GPC6: variants seen among roughly 807,000 people sequenced by gnomAD.
GPC6 encodes the protein glypican 6.
Under a neutral mutation model 55.2 loss-of-function variants are expected in GPC6, and 14 were observed. The observed-to-expected ratio is 0.25, with a 90% confidence interval of 0.17 to 0.40. The LOEUF (loss-of-function observed/expected upper bound fraction) is 0.40, where lower values mean the gene tolerates loss of function less well. GPC6 is among the 10% of genes least tolerant of loss of function. The pLI, the probability that GPC6 is intolerant of heterozygous loss-of-function variation, is 1.00. For missense variants in GPC6, 641 were observed against 708.5 expected (o/e 0.90, Z 1.08); for synonymous variants, 278 against 259.6 (o/e 1.07, Z -0.68).
intron 1 of GPC6, among the ~76,000 whole-genome samples, chr13:93,325,845 C>T (rs748770616): frequency 1.7e-4 from 26 of 152,004 alleles, no homozygotes; most frequent in Non-Finnish European, 2.8e-4. Flanking sequence ...AAATCAAAGC[C>T]CTAGGGACTA....
chr13:94,218,043 A>T (rs1259983547), intron 4 of GPC6, among the ~76,000 whole-genome samples: 1 of 152,178 alleles, frequency 6.6e-6, no homozygotes, highest in African/African-American at 2.4e-5. Flanking sequence ...ATGGTTCTAT[A>T]TTGAATTTTA....
At chr13:93,235,157 TAAC>T (rs1365947138) in intron 1 of GPC6, among the ~76,000 whole-genome samples, 2 of 152,168 alleles carry the variant, frequency 1.3e-5, no homozygotes, top group Admixed American at 6.5e-5. Context: ...CTGATTATAA[TAAC>T]AACGAGAGGT....
At chr13:93,903,040 A>G (rs560406639) in intron 3 of GPC6, among the ~76,000 whole-genome samples, 1 of 152,332 alleles carries the variant, frequency 6.6e-6, no homozygotes, top group South Asian at 2.1e-4. Context: ...GGTAGACCCC[A>G]TCTCTCACCA....
At chr13:93,983,957 C>A in intron 3 of GPC6, among the ~76,000 whole-genome samples, 2 of 151,598 alleles carry the variant, frequency 1.3e-5, no homozygotes, top group East Asian at 1.9e-4. Context: ...CATAAGACAA[C>A]AATTAAAGAA....
intron 1 of GPC6, among the ~76,000 whole-genome samples, chr13:93,345,424 CA>C (rs936134669): frequency 1.3e-5 from 2 of 151,896 alleles, no homozygotes; most frequent in Admixed American, 6.6e-5. Flanking sequence ...TTGAGTATAG[CA>C]GGGGGCTTGA....
intron 1 of GPC6, among the ~76,000 whole-genome samples, chr13:93,260,983 A>C (rs17300024): frequency 0.037 from 5,603 of 152,220 alleles, 197 homozygotes; most frequent in East Asian, 0.12. Flanking sequence ...TTTCATGCTT[A>C]GGGTCAGACA....
intron 2 of GPC6, among the ~76,000 whole-genome samples, chr13:93,570,946 G>T (rs1876372606): frequency 1.3e-5 from 2 of 151,916 alleles, no homozygotes; most frequent in Non-Finnish European, 2.9e-5. Context: ...TCAATTATTG[G>T]TTTGACGAGA....
At chr13:93,384,634 T>A (rs1875322171) in intron 1 of GPC6, among the ~76,000 whole-genome samples, 2 of 152,284 alleles carry the variant, frequency 1.3e-5, no homozygotes, top group Middle Eastern at 3.4e-3. Context: ...TTGAACTGAT[T>A]TGAGTGACAC....
intron 1 of GPC6, among the ~76,000 whole-genome samples, chr13:93,524,422 G>A (rs1881568190): frequency 6.6e-6 from 1 of 151,884 alleles, no homozygotes; most frequent in African/African-American, 2.4e-5. Flanking sequence ...ATAACTTGAG[G>A]GTCAAATGAG....
chr13:94,370,126 G>A (rs893954112), intron 6 of GPC6, among the ~76,000 whole-genome samples: 2 of 152,210 alleles, frequency 1.3e-5, no homozygotes, highest in Non-Finnish European at 2.9e-5. Context: ...CTTCTACATG[G>A]ACAAAATCAT....
chr13:93,348,978 G>A (rs2139161271), intron 1 of GPC6, among the ~76,000 whole-genome samples: 1 of 152,252 alleles, frequency 6.6e-6, no homozygotes, highest in South Asian at 2.1e-4. Context: ...GCTTAGAGAT[G>A]CTTCCAGTCA....
At chr13:93,550,877 A>G (rs1875122495) in intron 2 of GPC6, among the ~76,000 whole-genome samples, 1 of 152,162 alleles carries the variant, frequency 6.6e-6, no homozygotes, top group Non-Finnish European at 1.5e-5. Context: ...GTTGTAGATT[A>G]AAAAATGACT....
intron 4 of GPC6, among the ~76,000 whole-genome samples, chr13:94,249,759 C>T (rs1238099831): frequency 6.6e-6 from 1 of 152,128 alleles, no homozygotes; most frequent in Non-Finnish European, 1.5e-5. Context: ...TGAAAGTGAC[C>T]TGCAGAACAC....
chr13:93,542,667 TC>T (rs1311158343), intron 1 of GPC6, among the ~76,000 whole-genome samples: 1 of 152,232 alleles, frequency 6.6e-6, no homozygotes, highest in Non-Finnish European at 1.5e-5. Flanking sequence ...CATGGAATGT[TC>T]TTCCATTTGT....
intron 4 of GPC6, among the ~76,000 whole-genome samples, chr13:94,157,492 C>T (rs1887994677): frequency 6.6e-6 from 1 of 152,080 alleles, no homozygotes; most frequent in Non-Finnish European, 1.5e-5. Context: ...ACTCTAGGTG[C>T]AGAGAATGGG....
At chr13:93,912,528 G>T (rs542377091) in intron 3 of GPC6, among the ~76,000 whole-genome samples, 5 of 152,084 alleles carry the variant, frequency 3.3e-5, no homozygotes, top group Admixed American at 1.3e-4. Flanking sequence ...CGGATCACAA[G>T]GTCAGGAGAT....
At chr13:93,665,043 A>C (rs561209964) in intron 2 of GPC6, among the ~76,000 whole-genome samples, 4 of 152,222 alleles carry the variant, frequency 2.6e-5, no homozygotes, top group Non-Finnish European at 5.9e-5. Context: ...CCAATCAGCT[A>C]TCAGGGTAGA....
intron 5 of GPC6, among the ~76,000 whole-genome samples, chr13:94,293,414 A>G (rs1432442199): frequency 1.3e-5 from 2 of 151,592 alleles, no homozygotes; most frequent in African/African-American, 2.4e-5. Flanking sequence ...TCCTTCACAC[A>G]CTCTCTCTCA....
chr13:93,775,586 G>A (rs1885441113), intron 2 of GPC6, among the ~76,000 whole-genome samples: 2 of 152,262 alleles, frequency 1.3e-5, no homozygotes, highest in African/African-American at 2.4e-5. Context: ...TAATAAGCAC[G>A]TATATTTGGT....
Sources: allele counts gnomAD v4.1 joint callset (sites outside exome capture counted in the v4.1 genomes callset), GRCh38; gene constraint gnomAD v4.1.1; transcripts MANE v1.5; gene names NCBI Gene and HGNC (gene_info 2026-07-23, HGNC 2026-07-21).